The following ATP13A3 variants were observed in gnomAD, a reference collection of about 807,000 sequenced individuals.
The protein encoded by ATP13A3 is polyamine-transporting ATPase 13A3.
In ATP13A3, 59 loss-of-function variants were observed where a neutral mutation model predicts 158.1. The ratio of observed to expected loss-of-function variants is 0.37; its 90% CI spans 0.30 to 0.46. ATP13A3 has a LOEUF of 0.46. Among genes scored for constraint, ATP13A3 ranks in the 20% least tolerant of loss-of-function variants. The pLI is 1.00. For missense variants in ATP13A3, 1,166 were observed against 1,525.2 expected (o/e 0.76, Z 3.92); for synonymous variants, 491 against 504.3 (o/e 0.97, Z 0.35).
intron 3 of ATP13A3, among the ~76,000 whole-genome samples, chr3:194,461,404 T>C (rs1719651293): frequency 6.6e-6 from 1 of 152,196 alleles, no homozygotes; most frequent in South Asian, 2.1e-4. Context: ...ACTAACATGT[T>C]ATTTCTGTTG....
Position 194,446,457 on chromosome 3 carries a change from C to T in ATP13A3, c.1497+470G>A, listed in dbSNP as rs193257173. ...TCCTGTCTAGGGCTGGTTCCTGCCT[C>T]GTTCCGCCAGTTGCTGAGATACGCT... On this transcript the variant is annotated intron_variant, in intron 14 of 33. Transcript: ENST00000645319. 3.5e-3 allele frequency among the ~76,000 whole-genome samples: 530 copies of T among 152,340 alleles called. 3 individuals are homozygous for T. Among genetic ancestry groups the T allele is most frequent in the African/African-American group, 0.012 (511 of 41,572 alleles).
intron 20 of ATP13A3, among the ~76,000 whole-genome samples, chr3:194,434,867 G>C (rs1354631317): frequency 6.6e-6 from 1 of 152,166 alleles, no homozygotes; most frequent in African/African-American, 2.4e-5. Context: ...TCTGCAGTGA[G>C]AAGTGTTTGT....
Position 194,447,018 on chromosome 3 carries a change from G to C in ATP13A3, c.1406C>G (p.Ala469Gly). The C allele has an allele frequency of 6.2e-7, 1 of 1,613,576 alleles. No individual in the cohort carries two copies. The highest frequency in any genetic ancestry group is 8.5e-7 in the Non-Finnish European group (1 of 1,179,650). The change falls in exon 14 of 34, where the codon GCT becomes GGT. Residue 469 changes from alanine to glycine, a missense_variant. Physicochemically the swap from Ala to Gly is moderately conservative, Grantham distance 60. Around this residue, in one of 3 missense-constraint regions of ATP13A3, gnomAD observed 997 missense variants for 1,341.2 expected, o/e 0.74. Coordinates refer to ENST00000645319, the MANE Select transcript of ATP13A3 (RefSeq NM_001367549.1). ...ACCGATTTTTTTCAGTCTTCTCTGAGCATACACAATACCAGCAGTCATTGC... is the reference window on the plus strand; with the variant it reads ...ACCGATTTTTTTCAGTCTTCTCTGACCATACACAATACCAGCAGTCATTGC... ...PAAMTAGIVY[A>G]QRRLKKIGIF...
At chr3:194,414,367 C>G (rs934846890) in intron 31 of ATP13A3, among the ~76,000 whole-genome samples, 2 of 151,540 alleles carry the variant, frequency 1.3e-5, no homozygotes. Context: ...AAAGGCTGAG[C>G]CACGAGAATC....
rs1417391386 is a variant in ATP13A3, at chr3:194,430,078, AGGTTT to A, written c.2766_2770del (p.Asn923TyrfsTer16). On this transcript the variant is annotated frameshift_variant, in exon 26 of 34. Coordinates refer to ENST00000645319, the MANE Select transcript of ATP13A3 (RefSeq NM_001367549.1). LOFTEE classifies it high-confidence loss of function. ...AAATTTTAATTTGTACTACCTGATA[AGGTTT>A]GGCACACAGGAAATACTAGGAGTCT... is the stretch of plus-strand genomic sequence containing the variant. 1.2e-6 allele frequency: 2 copies of A among 1,612,794 alleles called. No individual in the cohort carries two copies.
intron 2 of ATP13A3, among the ~76,000 whole-genome samples, chr3:194,482,880 G>A (rs1433206058): frequency 1.3e-5 from 2 of 152,138 alleles, no homozygotes; most frequent in Non-Finnish European, 2.9e-5. Flanking sequence ...GGCCGAGGCA[G>A]GCGGATCACA....
At chr3:194,457,990 T>G (rs1719356506) in intron 6 of ATP13A3, among the ~76,000 whole-genome samples, 1 of 152,130 alleles carries the variant, frequency 6.6e-6, no homozygotes, top group Admixed American at 6.5e-5. Flanking sequence ...TTCACCACGT[T>G]GGCCAGAATG....
intron 2 of ATP13A3, among the ~76,000 whole-genome samples, chr3:194,463,343 A>G (rs1719789020): frequency 6.6e-6 from 1 of 151,950 alleles, no homozygotes; most frequent in Admixed American, 6.6e-5. Context: ...ACATTAAAGA[A>G]ATTTGCAAGA....
intron 2 of ATP13A3, among the ~76,000 whole-genome samples, chr3:194,482,410 T>A (rs542544829): frequency 6.6e-6 from 1 of 152,322 alleles, no homozygotes; most frequent in East Asian, 1.9e-4. Flanking sequence ...ACAAATCGTT[T>A]TAACTCCTTT....
At chr3:194,454,453 A>AT in intron 8 of ATP13A3, 61 bp from the exon 9 acceptor site, 3 of 1,477,324 alleles carry the variant, frequency 2.0e-6, no homozygotes, top group Non-Finnish European at 2.8e-6. Context: ...CAGATTGTCC[A>AT]TCTTTTCATT....
chr3:194,407,862 A>G (rs1169384602), intron 33 of ATP13A3, among the ~76,000 whole-genome samples: 2 of 152,192 alleles, frequency 1.3e-5, no homozygotes, highest in Non-Finnish European at 2.9e-5. Flanking sequence ...GATCCAAAAT[A>G]ACAGATAATG....
At chr3:194,485,577 T>C (rs182444497) in intron 2 of ATP13A3, among the ~76,000 whole-genome samples, 33 of 152,356 alleles carry the variant, frequency 2.2e-4, no homozygotes, top group Non-Finnish European at 3.4e-4. Flanking sequence ...CTGCATTTCT[T>C]AGATTCCTTA....
chr3:194,463,636 C>CCTCT (rs1345341714), intron 2 of ATP13A3, among the ~76,000 whole-genome samples: 2 of 152,140 alleles, frequency 1.3e-5, no homozygotes, highest in African/African-American at 4.8e-5. Context: ...AGATCCCATA[C>CCTCT]CTCTACTCAT....
intron 2 of ATP13A3, among the ~76,000 whole-genome samples, chr3:194,476,787 A>T (rs1220287332): frequency 6.6e-6 from 1 of 150,518 alleles, no homozygotes; most frequent in Non-Finnish European, 1.5e-5. Context: ...TTTTCAAAAC[A>T]ATTAAATTGA....
upstream of ATP13A3, among the ~76,000 whole-genome samples, chr3:194,489,600 C>T (rs768044151): frequency 6.6e-6 from 1 of 152,154 alleles, no homozygotes; most frequent in Non-Finnish European, 1.5e-5. The surrounding 1 kb of genome is among the most constrained non-coding windows in gnomAD (Gnocchi z 4.1). Context: ...TCCAAGCTAC[C>T]CAGCATGAAC....
Position 194,441,545 on chromosome 3 carries a change from T to TAA in ATP13A3, c.1560-86_1560-85dup, listed in dbSNP as rs5855576. On this transcript the variant is annotated intron_variant, in intron 15 of 33. Coordinates refer to ENST00000645319, the MANE Select transcript of ATP13A3 (RefSeq NM_001367549.1). ...AACAGGGCTTTTCTGGTTTTGTAATTAAAAAAAAAATCTTTTAAATCCCAA... is the reference window on the plus strand; with the variant it reads ...AACAGGGCTTTTCTGGTTTTGTAATTAAAAAAAAAAAATCTTTTAAATCCCAA... The TAA allele has an allele frequency of 1.1e-4, 133 of 1,202,070 alleles. No individual in the cohort carries two copies. The African/African-American group carries it at 1.8e-3, about 16-fold the overall frequency. The allele number at this position is 1,202,070 out of a possible 1,614,324, so 74.5% of individuals were successfully genotyped here.
chr3:194,467,921 T>G (rs1720090913), intron 2 of ATP13A3: 1 of 152,186 alleles, frequency 6.6e-6, no homozygotes, highest in Non-Finnish European at 1.5e-5. Context: ...AGCACACGTT[T>G]TTTAACCAAG....
chr3:194,406,775 A>G (rs570241271), intron 33 of ATP13A3, among the ~76,000 whole-genome samples: 3 of 152,318 alleles, frequency 2.0e-5, no homozygotes, highest in Admixed American at 6.5e-5. Context: ...CATGAAGTAA[A>G]TATCGTTTGG....
chr3:194,455,917 A>G lies in ATP13A3; in HGVS notation c.606T>C (p.Ser202=), dbSNP rs375137211. The change falls in exon 8 of 34, where the codon TCT becomes TCC. Residue 202 remains serine (S), a synonymous_variant. Transcript: ENST00000645319. ...GVNEIAVKVP[S]VFKLLIKEVL... ...CCTCTTTAATTAGAAGCTTAAAAAC[A>G]GAAGGCACTTTTACAGCAATTTCAT... 1 of 1,555,206 alleles carries G rather than the reference A, an allele frequency of 6.4e-7. No individual in the cohort carries two copies. The highest frequency in any genetic ancestry group is 1.9e-5 in the Admixed American group (1 of 52,674).
Sources: allele counts gnomAD v4.1 joint callset (sites outside exome capture counted in the v4.1 genomes callset), GRCh38; gene constraint gnomAD v4.1.1; regional missense constraint gnomAD v4.1.1; non-coding constraint Gnocchi (gnomAD v3.1); transcripts MANE v1.5; gene names NCBI Gene and HGNC (gene_info 2026-07-23, HGNC 2026-07-21).